The following PHACTR2 variants were observed in gnomAD, a reference collection of about 807,000 sequenced individuals.
PHACTR2 encodes chromosome 6 open reading frame 56.
A neutral mutation model predicts 76.0 loss-of-function variants in PHACTR2; 30 were observed. That is an observed-to-expected ratio of 0.39 (90% CI 0.30 to 0.54). PHACTR2 has a LOEUF of 0.54. Among genes scored for constraint, PHACTR2 ranks in the 20% least tolerant of loss-of-function variants. PHACTR2 has a pLI of 0.61. For missense variants in PHACTR2, 696 were observed against 781.1 expected (o/e 0.89, Z 1.30); for synonymous variants, 292 against 292.5 (o/e 1.00, Z 0.02).
Position 143,654,290 on chromosome 6 carries a change from TCAAA to T in PHACTR2, c.13+45972_13+45975del, listed in dbSNP as rs1044819265. On this transcript the variant is annotated intron_variant, in intron 1 of 11. Transcript: ENST00000305766. This position sits in a 1 kb window ranked among gnomAD's most constrained non-coding sequence, Gnocchi z 4.6. ...CTTTAGAAAACACTCTGGCAGTTCC[TCAAA>T]CAATCAATCATAGAGTTACCATATG... Among the ~76,000 whole-genome samples the T allele has an allele frequency of 3.3e-5, 5 of 152,188 alleles. No individual in the cohort carries two copies. Among genetic ancestry groups the T allele is most frequent in the Non-Finnish European group, 7.4e-5 (5 of 68,024 alleles).
At chr6:143,575,339 G>T (rs1243278792) in intron 1 of PHACTR2, among the ~76,000 whole-genome samples, 1 of 152,096 alleles carries the variant, frequency 6.6e-6, no homozygotes, top group African/African-American at 2.4e-5. Context: ...TACATAATTT[G>T]TGTACTTTTT....
chr6:143,685,449 C>T (rs1562269316), intron 1 of PHACTR2, among the ~76,000 whole-genome samples: 1 of 151,900 alleles, frequency 6.6e-6, no homozygotes. Context: ...AGGCATTTTC[C>T]AAAATACCTA....
At chr6:143,685,153 T>A (rs1016909801) in intron 1 of PHACTR2, among the ~76,000 whole-genome samples, 2 of 152,092 alleles carry the variant, frequency 1.3e-5, no homozygotes, top group African/African-American at 4.8e-5. Context: ...ACTAGGGCTA[T>A]TTCAAAAATG....
rs1775062546 is a variant in PHACTR2 at position 143,549,765 on chromosome 6, T to A, written c.217+12558T>A. 6.6e-6 allele frequency among the ~76,000 whole-genome samples: 1 copy of A among 151,906 alleles called. No homozygotes were observed. Among genetic ancestry groups the A allele is most frequent in the South Asian group, 2.1e-4 (1 of 4,792 alleles). On this transcript the variant is annotated intron_variant, in intron 1 of 11. Transcript: ENST00000367584. The surrounding 1 kb of genome is among the most constrained non-coding windows in gnomAD (Gnocchi z 4.2). ...GCTCATTGAGCCTTCTTCTAAGGCT[T>A]CCCTTGATGTTCATGTTTGCAGGCC...
intron 1 of PHACTR2, among the ~76,000 whole-genome samples, chr6:143,668,409 C>T (rs1419213724): frequency 6.6e-6 from 1 of 152,014 alleles, no homozygotes; most frequent in Non-Finnish European, 1.5e-5. Flanking sequence ...AGGGAGGAGT[C>T]CCTCTTTTTC....
rs970959562 is a variant in PHACTR2 at position 143,816,902 on chromosome 6, C to CA, written c.1923-6766dup. On this transcript the variant is annotated intron_variant, in intron 12 of 12. Transcript: ENST00000440869. The surrounding 1 kb of genome is among the most constrained non-coding windows in gnomAD (Gnocchi z 4.5). Reference sequence around the variant, plus strand: ...TCAACATGGCACAATGCTGTCTCTACAAAAAATACAAAAATTAGCCAAGTG... The same window carrying CA: ...TCAACATGGCACAATGCTGTCTCTACAAAAAAATACAAAAATTAGCCAAGTG... Among the ~76,000 whole-genome samples the CA allele has an allele frequency of 3.3e-5, 5 of 151,984 alleles. No homozygotes were observed. The highest frequency in any genetic ancestry group is 2.9e-5 in the Non-Finnish European group (2 of 67,992).
Position 143,824,428 on chromosome 6 carries a change from T to C in PHACTR2, c.*739T>C, listed in dbSNP as rs938046818. ...TTTGTTGCATGCTTTTAAGTAGCAT[T>C]AGCTATGCACACTTGACATTTTTAA... is the stretch of plus-strand genomic sequence containing the variant. On this transcript the variant is annotated 3_prime_UTR_variant, in exon 13 of 13. Coordinates refer to ENST00000440869, the MANE Select transcript of PHACTR2 (RefSeq NM_001100164.2). This position sits in a 1 kb window ranked among gnomAD's most constrained non-coding sequence, Gnocchi z 6.3. 2.0e-5 allele frequency: 3 copies of C among 152,674 alleles called. No homozygotes were observed. The highest frequency in any genetic ancestry group is 1.9e-4 in the East Asian group (1 of 5,208). The allele number at this position is 152,674 out of a possible 1,614,324, so 9.5% of individuals were successfully genotyped here.
Position 143,589,554 on chromosome 6 carries a change from A to G in PHACTR2, c.217+52347A>G, listed in dbSNP as rs562768867. Among the ~76,000 whole-genome samples the G allele has an allele frequency of 5.5e-4, 83 of 152,278 alleles. No individual in the cohort carries two copies. The highest frequency in any genetic ancestry group is 1.4e-3 in the Admixed American group (21 of 15,298). Reference sequence around the variant, plus strand: ...GTTCTTGCAATGCGAGAACAGACTGATACAACTGCCGTCTTGTATCCTCAG... The same window carrying G: ...GTTCTTGCAATGCGAGAACAGACTGGTACAACTGCCGTCTTGTATCCTCAG... On this transcript the variant is annotated intron_variant, in intron 1 of 11. Transcript: ENST00000367584. The surrounding 1 kb of genome is among the most constrained non-coding windows in gnomAD (Gnocchi z 4.4).
In PHACTR2 at chr6:143,819,746, T is replaced by C. The variant is rs1270368417; in HGVS notation, c.1923-3928T>C. ...CTCTCTGGCTCTCTGGCAGATTGGCTGTGGCCACCGACACTGAGGGAAGAT... is the reference window on the plus strand; with the variant it reads ...CTCTCTGGCTCTCTGGCAGATTGGCCGTGGCCACCGACACTGAGGGAAGAT... On this transcript the variant is annotated intron_variant, in intron 12 of 12. Transcript: ENST00000440869. This position sits in a 1 kb window ranked among gnomAD's most constrained non-coding sequence, Gnocchi z 5.0. Among the ~76,000 whole-genome samples the C allele has an allele frequency of 6.6e-6, 1 of 152,176 alleles. No individual in the cohort carries two copies.
rs1323197940 is a variant in PHACTR2, at chr6:143,648,945, T to TG, written c.13+40623_13+40624insG. On this transcript the variant is annotated intron_variant, in intron 1 of 11. Coordinates refer to the PHACTR2 transcript ENST00000305766. This position sits in a 1 kb window ranked among gnomAD's most constrained non-coding sequence, Gnocchi z 6.7. ...ATGTGTATGTCTATGTCTATGTATG[T>TG]TTGTGTGTGTCTGTGTGTCTATGTG... Among the ~76,000 whole-genome samples the TG allele has an allele frequency of 3.8e-4, 57 of 150,244 alleles. 1 individual carries two copies. The South Asian group carries it at 0.012, about 32-fold the overall frequency.
chr6:143,540,802 G>C (rs946346167), intron 1 of PHACTR2, among the ~76,000 whole-genome samples: 1 of 152,138 alleles, frequency 6.6e-6, no homozygotes, highest in African/African-American at 2.4e-5. Flanking sequence ...AGATAGAATT[G>C]AAGTAACAGT....
intron 1 of PHACTR2, among the ~76,000 whole-genome samples, chr6:143,573,922 A>G (rs1775476847): frequency 6.6e-6 from 1 of 152,166 alleles, no homozygotes; most frequent in Admixed American, 6.5e-5. Flanking sequence ...TTCGCTTTCT[A>G]TTATTGCATA....
Position 143,772,141 on chromosome 6 carries a change from TC to T in PHACTR2, c.1233-116del. On this transcript the variant is annotated intron_variant, in intron 6 of 12. Coordinates refer to ENST00000440869, the MANE Select transcript of PHACTR2 (RefSeq NM_001100164.2). This position sits in a 1 kb window ranked among gnomAD's most constrained non-coding sequence, Gnocchi z 5.4. Reference sequence around the variant, plus strand: ...ACTTTAGCCTGGCCTATGTCAAGTGTCTGCTTTCCTCAGCCTGAAGGAAGCC... The same window carrying T: ...ACTTTAGCCTGGCCTATGTCAAGTGTTGCTTTCCTCAGCCTGAAGGAAGCC... 1.4e-6 allele frequency: 1 copy of T among 711,604 alleles called. No homozygotes were observed. The highest frequency in any genetic ancestry group is 2.5e-6 in the Non-Finnish European group (1 of 395,246). 44.1% of individuals were successfully genotyped at this position (711,604 alleles called of 1,614,324 possible). A position where few individuals can be genotyped will look rare whatever the true frequency, so the allele number is the denominator to read the frequency against.
chr6:143,815,306 A>G (rs1233831768), intron 12 of PHACTR2, among the ~76,000 whole-genome samples: 1 of 152,150 alleles, frequency 6.6e-6, no homozygotes, highest in African/African-American at 2.4e-5. Context: ...CCTTTGTTTA[A>G]CATAAGTATA....
intron 1 of PHACTR2, among the ~76,000 whole-genome samples, chr6:143,691,493 C>A (rs374979312): frequency 6.6e-5 from 10 of 151,958 alleles, no homozygotes; most frequent in Admixed American, 2.0e-4. Flanking sequence ...TTGCCAGAAA[C>A]CTGTTTGCTT....
Position 143,602,921 on chromosome 6 carries a change from G to A in PHACTR2, c.217+65714G>A, listed in dbSNP as rs1225862241. ...GCACTTTGGGAGGCCGAGGTGGGCA[G>A]ATCACCCGTGGTCAGGAGTTTGAGA... On this transcript the variant is annotated intron_variant, in intron 1 of 11. Coordinates refer to the PHACTR2 transcript ENST00000367584. The surrounding 1 kb of genome is among the most constrained non-coding windows in gnomAD (Gnocchi z 6.1). 2.0e-5 allele frequency among the ~76,000 whole-genome samples: 3 copies of A among 152,114 alleles called. No homozygotes were observed. The highest frequency in any genetic ancestry group is 4.4e-5 in the Non-Finnish European group (3 of 68,034).
At chr6:143,717,137 C>T (rs1319006703) in intron 2 of PHACTR2, among the ~76,000 whole-genome samples, 1 of 152,196 alleles carries the variant, frequency 6.6e-6, no homozygotes, top group Non-Finnish European at 1.5e-5. Context: ...CATGCTGGGT[C>T]ACTGGCTCAG....
rs1319425348 is a variant in PHACTR2 at position 143,819,482 on chromosome 6, A to G, written c.1923-4192A>G. ...ATTAGGGCAATTGGCTCACATGATA[A>G]TGGATGCTGAGAAGTCCCAGAACAG... On this transcript the variant is annotated intron_variant, in intron 12 of 12. Transcript: ENST00000440869. This position sits in a 1 kb window ranked among gnomAD's most constrained non-coding sequence, Gnocchi z 5.0. Among the ~76,000 whole-genome samples, 2 of 152,178 alleles carry G rather than the reference A, an allele frequency of 1.3e-5. No homozygotes were observed. The highest frequency in any genetic ancestry group is 2.9e-5 in the Non-Finnish European group (2 of 68,018).
chr6:143,812,890 A>G (rs1776210625), intron 12 of PHACTR2, among the ~76,000 whole-genome samples: 1 of 152,220 alleles, frequency 6.6e-6, no homozygotes. Context: ...TTTCTACAAT[A>G]TAAAATAACT....
Sources: gnomAD v4.1 joint callset for allele counts (sites outside exome capture counted in the v4.1 genomes callset) on GRCh38, gnomAD v4.1.1 for gene constraint, Gnocchi (gnomAD v3.1) non-coding constraint, MANE v1.5 for transcripts, NCBI Gene and HGNC (gene_info 2026-07-23, HGNC 2026-07-21) for gene names.